UBR1: variants seen among roughly 807,000 people sequenced by gnomAD.
UBR1 encodes the protein E3 ubiquitin-protein ligase UBR1.
UBR1 carries 102 observed loss-of-function variants against 242.1 expected under a neutral mutation model. That is an observed-to-expected ratio of 0.42 (90% CI 0.36 to 0.50). The LOEUF (loss-of-function observed/expected upper bound fraction) is 0.50. UBR1 is among the 20% of genes least tolerant of loss of function. UBR1 has a pLI of 0.01. For synonymous variants in UBR1, 675 were observed against 684.8 expected, an observed-to-expected ratio of 0.99 and a Z score of 0.22; for missense variants, 1,772 against 2,101.8, an observed-to-expected ratio of 0.84 and a Z score of 3.07.
chr15:42,970,002 T>G lies in UBR1; in HGVS notation c.4457+518A>C, dbSNP rs186593951. Among the ~76,000 whole-genome samples, 200 of 152,248 alleles carry G rather than the reference T, an allele frequency of 1.3e-3. 2 individuals carry two copies. Among genetic ancestry groups the G allele is most frequent in the Non-Finnish European group, 2.9e-4 (20 of 68,012 alleles). ...GAATTAGAAAAAACTACTTTAAATT[T>G]CACATGGAACCAAAAAAGAGCCCGT... is the stretch of plus-strand genomic sequence containing the variant. On this transcript the variant is annotated intron_variant, in intron 40 of 46. Coordinates refer to ENST00000290650, the MANE Select transcript of UBR1 (RefSeq NM_174916.3).
intron 46 of UBR1, among the ~76,000 whole-genome samples, chr15:42,948,088 T>C (rs2031767283): frequency 6.6e-6 from 1 of 152,154 alleles, no homozygotes; most frequent in Non-Finnish European, 1.5e-5. Flanking sequence ...AAAACAGAGA[T>C]ATAGATCAAT....
chr15:42,977,964 G>A lies in UBR1; in HGVS notation c.4151-17C>T. The A allele has an allele frequency of 6.2e-7, 1 of 1,600,630 alleles. No individual in the cohort carries two copies. The highest frequency in any genetic ancestry group is 8.6e-7 in the Non-Finnish European group (1 of 1,168,162). ...GAAGAACAACTAAAACAAACAAAAAGTTAATGTAATTCAGTCAGTAAGATA... is the reference window on the plus strand; with the variant it reads ...GAAGAACAACTAAAACAAACAAAAAATTAATGTAATTCAGTCAGTAAGATA... On this transcript the variant is annotated splice_polypyrimidine_tract_variant and intron_variant, in intron 37 of 46. Transcript: ENST00000290650.
intron 4 of UBR1, among the ~76,000 whole-genome samples, chr15:43,072,960 C>T (rs554342549): frequency 2.6e-5 from 4 of 152,052 alleles, no homozygotes; most frequent in South Asian, 4.2e-4. Flanking sequence ...TCCAGGAGTT[C>T]GAATCAGCCT....
intron 43 of UBR1, among the ~76,000 whole-genome samples, chr15:42,959,993 A>T (rs2031987384): frequency 6.6e-6 from 1 of 152,210 alleles, no homozygotes; most frequent in Non-Finnish European, 1.5e-5. Context: ...AAAATTAGAC[A>T]CCGTATACAA....
chr15:42,975,414 T>C (rs1406213720), intron 39 of UBR1, among the ~76,000 whole-genome samples: 2 of 149,938 alleles, frequency 1.3e-5, no homozygotes, highest in Non-Finnish European at 3.0e-5. Context: ...TCAAAGAATC[T>C]CCCATCGATG....
At chr15:43,064,971 T>C (rs192618370) in intron 6 of UBR1, among the ~76,000 whole-genome samples, 1 of 152,352 alleles carries the variant, frequency 6.6e-6, no homozygotes, top group East Asian at 1.9e-4. Flanking sequence ...TTTTAAGGTC[T>C]TTGTGATTAC....
chr15:42,948,139 C>T (rs555850198), intron 46 of UBR1, among the ~76,000 whole-genome samples: 1 of 152,060 alleles, frequency 6.6e-6, no homozygotes, highest in Non-Finnish European at 1.5e-5. Flanking sequence ...TGCATATCTA[C>T]ATCTGATCTT....
At chr15:43,076,119 C>G (rs1396522106) in intron 3 of UBR1, among the ~76,000 whole-genome samples, 1 of 151,224 alleles carries the variant, frequency 6.6e-6, no homozygotes, top group Non-Finnish European at 1.5e-5. Flanking sequence ...CGATTGCAGG[C>G]GCGCGCCGCC....
At chr15:42,999,081 C>A (rs1030302267) in intron 32 of UBR1, among the ~76,000 whole-genome samples, 2 of 151,910 alleles carry the variant, frequency 1.3e-5, no homozygotes, top group Non-Finnish European at 2.9e-5. Flanking sequence ...GCTGGGATTA[C>A]AAGTGCCTGC....
At chr15:43,078,957 A>T (rs1451558300) in intron 3 of UBR1, among the ~76,000 whole-genome samples, 1 of 152,234 alleles carries the variant, frequency 6.6e-6, no homozygotes, top group Non-Finnish European at 1.5e-5. Context: ...ATCATGCCAG[A>T]AATGAATTTT....
intron 1 of UBR1, among the ~76,000 whole-genome samples, chr15:43,097,152 AT>A (rs2034171637): frequency 6.6e-6 from 1 of 152,182 alleles, no homozygotes; most frequent in Non-Finnish European, 1.5e-5. Context: ...TGAAAATAAC[AT>A]TTATCTCCTT....
chr15:42,954,119 A>C (rs1289254616), intron 44 of UBR1, among the ~76,000 whole-genome samples: 1 of 152,054 alleles, frequency 6.6e-6, no homozygotes, highest in Non-Finnish European at 1.5e-5. Context: ...TCCTGAGTTC[A>C]AGAGATTCAC....
intron 33 of UBR1, among the ~76,000 whole-genome samples, chr15:42,993,569 T>C (rs954618849): frequency 1.3e-5 from 2 of 152,078 alleles, no homozygotes; most frequent in South Asian, 2.1e-4. Context: ...GGTTTCACCA[T>C]GTTGGCCGGG....
chr15:43,011,364 G>A (rs1415726420), intron 29 of UBR1, among the ~76,000 whole-genome samples: 1 of 151,874 alleles, frequency 6.6e-6, no homozygotes, highest in Non-Finnish European at 1.5e-5. Context: ...AAAGAAACAG[G>A]GACAAAATAT....
chr15:43,023,598 CAAAAAAAAAA>C (rs35071600), intron 25 of UBR1, among the ~76,000 whole-genome samples: 2 of 39,952 alleles, frequency 5.0e-5, no homozygotes, highest in East Asian at 1.0e-3. Flanking sequence ...AACTCCATCT[CAAAAAAAAAA>C]AAAAAAAAAA....
chr15:42,979,199 TTC>T (rs2032337609), intron 37 of UBR1, among the ~76,000 whole-genome samples: 1 of 149,024 alleles, frequency 6.7e-6, no homozygotes, highest in African/African-American at 2.6e-5. Context: ...AACCAATTTT[TTC>T]TTTTTTTCTT....
intron 1 of UBR1, among the ~76,000 whole-genome samples, chr15:43,105,200 C>A (rs188079661): frequency 1.3e-5 from 2 of 152,260 alleles, no homozygotes; most frequent in East Asian, 3.9e-4. Flanking sequence ...ACACTAGATG[C>A]CCTGGGCATC....
At chr15:42,947,729 G>T (rs1056137050) in intron 46 of UBR1, among the ~76,000 whole-genome samples, 3 of 152,170 alleles carry the variant, frequency 2.0e-5, no homozygotes, top group African/African-American at 7.2e-5. Context: ...ACTTACAAGG[G>T]ACGTTTAGGA....
Position 42,988,745 on chromosome 15 carries a change from A to G in UBR1, c.3997+74T>C, listed in dbSNP as rs555894515. 8.2e-6 allele frequency: 13 copies of G among 1,592,908 alleles called. No individual in the cohort carries two copies. In the African/African-American group the frequency reaches 1.2e-4, roughly 15 times the overall value. On this transcript the variant is annotated intron_variant, in intron 35 of 46. Coordinates refer to ENST00000290650, the MANE Select transcript of UBR1 (RefSeq NM_174916.3). Reference sequence around the variant, plus strand: ...AAATTATTCTGGGCCATCAGTGAAAAAAAGAATTTAAGAATGAATGATCAA... The same window carrying G: ...AAATTATTCTGGGCCATCAGTGAAAGAAAGAATTTAAGAATGAATGATCAA...
Sources: gnomAD v4.1 joint callset for allele counts (sites outside exome capture counted in the v4.1 genomes callset) on GRCh38, gnomAD v4.1.1 for gene constraint, MANE v1.5 for transcripts, NCBI Gene and HGNC (gene_info 2026-07-23, HGNC 2026-07-21) for gene names.